LARGE1: variants seen among roughly 807,000 people sequenced by gnomAD.
LARGE1 encodes the protein xylosyl- and glucuronyltransferase LARGE1.
A neutral mutation model predicts 87.6 loss-of-function variants in LARGE1; 43 were observed. The ratio of observed to expected loss-of-function variants is 0.49; its 90% CI spans 0.38 to 0.63. The LOEUF (loss-of-function observed/expected upper bound fraction) is 0.63. LARGE1 is among the 30% of genes least tolerant of loss of function. LARGE1 has a pLI of 0.00. For missense variants in LARGE1, 802 were observed against 1,000.2 expected (o/e 0.80, Z 2.67); for synonymous variants, 434 against 394.6 (o/e 1.10, Z -1.18).
At position 33,608,055 on chromosome 22, in the gene LARGE1, G is replaced by A. The variant is rs1006269247; in HGVS notation, c.492-3497C>T. On this transcript the variant is annotated intron_variant, in intron 4 of 14. Transcript: ENST00000397394. ...GGCTTACCTGAGGGCCAAGTCAGAG[G>A]CAGCAGGACAAAGTCACCAGGGAGA... Among the ~76,000 whole-genome samples the A allele has an allele frequency of 3.3e-5, 5 of 152,188 alleles. No individual in the cohort carries two copies. In the East Asian group the frequency reaches 9.6e-4, roughly 29 times the overall value.
chr22:33,486,586 G>C (rs1325847510), intron 6 of LARGE1, among the ~76,000 whole-genome samples: 2 of 151,992 alleles, frequency 1.3e-5, no homozygotes, highest in Non-Finnish European at 2.9e-5. Flanking sequence ...AATCCATTGG[G>C]GAAATTAACT....
chr22:33,474,910 GA>G (rs1266129847), intron 6 of LARGE1, among the ~76,000 whole-genome samples: 16 of 152,274 alleles, frequency 1.1e-4, no homozygotes, highest in African/African-American at 3.6e-4. Flanking sequence ...TTGTTCAGGG[GA>G]TAACTGGCTG....
chr22:33,429,101 A>C (rs888061381), intron 7 of LARGE1, among the ~76,000 whole-genome samples: 3 of 151,796 alleles, frequency 2.0e-5, no homozygotes, highest in Non-Finnish European at 4.4e-5. Context: ...GTTCTGCTGG[A>C]GATATTCTTT....
At chr22:33,389,344 G>C (rs2065435756) in intron 7 of LARGE1, among the ~76,000 whole-genome samples, 2 of 152,172 alleles carry the variant, frequency 1.3e-5, no homozygotes, top group South Asian at 4.1e-4. Flanking sequence ...AAACCCACTG[G>C]GAGTTAAGCT....
intron 11 of LARGE1, among the ~76,000 whole-genome samples, chr22:33,258,284 G>C (rs1927426196): frequency 6.6e-6 from 1 of 152,158 alleles, no homozygotes. Flanking sequence ...CACCCACCTT[G>C]GCCTCCCAAA....
chr22:33,102,316 G>A, the LARGE1 span, among the ~76,000 whole-genome samples: 1 of 150,984 alleles, frequency 6.6e-6, no homozygotes, highest in Non-Finnish European at 1.5e-5. Flanking sequence ...CTACAGGCGT[G>A]GGCCACCATG....
At chr22:33,729,915 T>A (rs1392412266) in intron 2 of LARGE1, among the ~76,000 whole-genome samples, 2 of 152,160 alleles carry the variant, frequency 1.3e-5, no homozygotes, top group Non-Finnish European at 2.9e-5. Flanking sequence ...CAGGCATGAG[T>A]CTCATTGTTG....
intron 6 of LARGE1, among the ~76,000 whole-genome samples, chr22:33,543,592 T>C (rs1026560933): frequency 2.0e-5 from 3 of 152,230 alleles, no homozygotes; most frequent in Non-Finnish European, 2.9e-5. Flanking sequence ...TTTTATTTAC[T>C]TAGCATGGGT....
At chr22:33,858,349 C>T (rs550525226) in intron 1 of LARGE1, among the ~76,000 whole-genome samples, 1 of 152,188 alleles carries the variant, frequency 6.6e-6, no homozygotes, top group Non-Finnish European at 1.5e-5. Flanking sequence ...AAACCCGGAC[C>T]AGAAGAGAGT....
intron 6 of LARGE1, among the ~76,000 whole-genome samples, chr22:33,512,970 C>T (rs549540028): frequency 6.6e-6 from 1 of 152,080 alleles, no homozygotes; most frequent in South Asian, 2.1e-4. Flanking sequence ...TTTTAAATGC[C>T]TGAGCCAGAT....
intron 2 of LARGE1, among the ~76,000 whole-genome samples, chr22:33,660,168 G>C (rs2081083026): frequency 6.7e-6 from 1 of 148,720 alleles, no homozygotes. Flanking sequence ...CTGTTACCAT[G>C]GTGGGGCAAC....
intron 2 of LARGE1, among the ~76,000 whole-genome samples, chr22:33,697,531 C>T (rs1404175050): frequency 1.0e-5 from 1 of 96,534 alleles, no homozygotes; most frequent in Admixed American, 1.7e-4. Context: ...AGCCTGGCGA[C>T]AAAGCTAGAC....
At chr22:33,072,387 G>T in the LARGE1 span, among the ~76,000 whole-genome samples, 3 of 152,078 alleles carry the variant, frequency 2.0e-5, no homozygotes, top group Non-Finnish European at 4.4e-5. Context: ...GATTTTCCAG[G>T]GAAATGAAAA....
At chr22:33,909,781 G>A (rs1000862025) in intron 1 of LARGE1, among the ~76,000 whole-genome samples, 11 of 151,616 alleles carry the variant, frequency 7.3e-5, no homozygotes, top group African/African-American at 1.2e-4. Context: ...CTCATGATTC[G>A]CCCGCCTCAG....
intron 1 of LARGE1, among the ~76,000 whole-genome samples, chr22:33,903,476 T>TA (rs146077702): frequency 0.011 from 1,548 of 147,114 alleles, 34 homozygotes; most frequent in African/African-American, 0.034. Context: ...ACATAACAGT[T>TA]AAAAAAAAAA....
chr22:33,784,339 G>A lies in LARGE1; in HGVS notation c.-82-22781C>T, dbSNP rs191008763. Among the ~76,000 whole-genome samples the A allele has an allele frequency of 2.5e-3, 379 of 152,202 alleles. 4 individuals are homozygous for A. The highest frequency in any genetic ancestry group is 1.6e-3 in the Non-Finnish European group (112 of 68,020). Reference sequence around the variant, plus strand: ...TAGTTAATACTATCCCCAATGTATAGAAGAGGAAATAAAGCAATTTGCTCG... The same window carrying A: ...TAGTTAATACTATCCCCAATGTATAAAAGAGGAAATAAAGCAATTTGCTCG... On this transcript the variant is annotated intron_variant, in intron 1 of 14. Coordinates refer to ENST00000397394, the MANE Select transcript of LARGE1 (RefSeq NM_133642.5).
chr22:33,427,981 T>C (rs529904005), intron 7 of LARGE1, among the ~76,000 whole-genome samples: 1 of 152,282 alleles, frequency 6.6e-6, no homozygotes, highest in Non-Finnish European at 1.5e-5. Flanking sequence ...AAATAGTCAT[T>C]TTTTTTCCTA....
intron 6 of LARGE1, among the ~76,000 whole-genome samples, chr22:33,503,716 T>C (rs2070621012): frequency 6.6e-6 from 1 of 151,430 alleles, no homozygotes; most frequent in Non-Finnish European, 1.5e-5. Flanking sequence ...GGAAAATTGC[T>C]TGAACCCGGG....
At chr22:33,087,251 TTTTA>T in the LARGE1 span, among the ~76,000 whole-genome samples, 1 of 151,864 alleles carries the variant, frequency 6.6e-6, no homozygotes, top group Non-Finnish European at 1.5e-5. Context: ...CCATATTTAT[TTTTA>T]TACTAAAAAA....
Sources: gnomAD v4.1 joint callset for allele counts (sites outside exome capture counted in the v4.1 genomes callset) on GRCh38, gnomAD v4.1.1 for gene constraint, MANE v1.5 for transcripts, NCBI Gene and HGNC (gene_info 2026-07-23, HGNC 2026-07-21) for gene names.